MMAA: variants seen among roughly 807,000 people sequenced by gnomAD.
MMAA encodes the protein metabolism of cobalamin associated A.
MMAA carries 41 observed loss-of-function variants against 45.0 expected under a neutral mutation model. The observed-to-expected ratio is 0.91, with a 90% CI of 0.71 to 1.18. The LOEUF (loss-of-function observed/expected upper bound fraction) is 1.18, where lower values mean the gene tolerates loss of function less well. Ranked by LOEUF, MMAA falls within the 50% of genes most tolerant of loss-of-function variation. The pLI is 0.00. For synonymous variants in MMAA, 154 were observed against 178.2 expected (o/e 0.86, Z 1.08); for missense variants, 460 against 495.7 (o/e 0.93, Z 0.68).
At position 145,659,857 on chromosome 4, in the gene MMAA, C is replaced by G. The variant is rs1044773675; in HGVS notation, c.*4423C>G. On this transcript the variant is annotated 3_prime_UTR_variant, in exon 7 of 7. Coordinates refer to ENST00000649156, the MANE Select transcript of MMAA (RefSeq NM_172250.3). ...CTAGCTATTTTGTAATATACACTAC[C>G]TTACTGTTGCGAACCATAGTCACCC... 3.9e-5 allele frequency: 6 copies of G among 152,022 alleles called. No individual in the cohort carries two copies. Among genetic ancestry groups the G allele is most frequent in the Non-Finnish European group, 7.4e-5 (5 of 68,000 alleles). 9.4% of individuals were successfully genotyped at this position (152,022 alleles called of 1,614,324 possible).
chr4:145,630,619 T>C (rs899856895), intron 1 of MMAA, among the ~76,000 whole-genome samples: 2 of 152,094 alleles, frequency 1.3e-5, no homozygotes, highest in African/African-American at 2.4e-5. Flanking sequence ...TCCCAGCTAC[T>C]TGGGGGGCTG....
chr4:145,625,900 G>C, intron 1 of MMAA: 1 of 1,570,118 alleles, frequency 6.4e-7, no homozygotes, highest in Non-Finnish European at 8.7e-7. Context: ...TTGACCTCTC[G>C]CAAGTTATCT....
intron 4 of MMAA, 63 bp downstream of exon 4, chr4:145,646,219 G>T: frequency 1.3e-6 from 2 of 1,587,892 alleles, no homozygotes. Context: ...AAAGATGAGT[G>T]ACAACTTATT....
At chr4:145,627,130 C>T (rs1038116186) in intron 1 of MMAA, among the ~76,000 whole-genome samples, 7 of 152,144 alleles carry the variant, frequency 4.6e-5, no homozygotes, top group African/African-American at 1.7e-4. Context: ...AGAAAGATTG[C>T]AATTAAATTG....
rs749162902 is a variant in MMAA at position 145,639,091 on chromosome 4, T to C, written c.-49T>C. ...TTCTTCTAGGGAGGTCACAATCACA[T>C]TGAGCCAAAACGCATCCAGTGTTTT... On this transcript the variant is annotated 5_prime_UTR_variant, in exon 2 of 7. Coordinates refer to ENST00000649156, the MANE Select transcript of MMAA (RefSeq NM_172250.3). The C allele has an allele frequency of 1.4e-5, 22 of 1,585,154 alleles. No individual in the cohort carries two copies. The highest frequency in any genetic ancestry group is 1.7e-5 in the Non-Finnish European group (20 of 1,153,810).
In MMAA at chr4:145,655,557, C is replaced by A; in HGVS notation, c.*123C>A. The A allele has an allele frequency of 2.0e-6, 2 of 993,938 alleles. No individual in the cohort carries two copies. The highest frequency in any genetic ancestry group is 2.9e-6 in the Non-Finnish European group (2 of 693,990). The allele number at this position is 993,938 out of a possible 1,614,324, so 61.6% of individuals were successfully genotyped here. On this transcript the variant is annotated 3_prime_UTR_variant, in exon 7 of 7. Coordinates refer to ENST00000649156, the MANE Select transcript of MMAA (RefSeq NM_172250.3). ...GTGCTCTTGTCTTCTTTGTTTGTGA[C>A]CCATGCTTGAAAACTTGAAGGAAGT...
chr4:145,622,198 C>G (rs1734101471), intron 1 of MMAA, among the ~76,000 whole-genome samples: 1 of 152,156 alleles, frequency 6.6e-6, no homozygotes, highest in South Asian at 2.1e-4. Flanking sequence ...CTGTGCTGTT[C>G]TCATGATAGT....
chr4:145,646,089 G>A lies in MMAA; in HGVS notation c.666G>A (p.Arg222=), dbSNP rs1374453503. 3 of 1,613,990 alleles carry A rather than the reference G, an allele frequency of 1.9e-6. No individual in the cohort carries two copies. In the African/African-American group the frequency reaches 4.0e-5, roughly 22 times the overall value. ...PTRGTLGGVT[R]TTNEAILLCE... ...GAGGAACTTTAGGAGGCGTGACAAG[G>A]ACCACAAATGAAGCTATTCTGTTGT... Residue 222 remains arginine (R), a synonymous_variant, in exon 4 of 7, where the codon AGG becomes AGA. Transcript: ENST00000649156.
At chr4:145,621,261 A>G (rs1269767182) in intron 1 of MMAA, among the ~76,000 whole-genome samples, 1 of 152,210 alleles carries the variant, frequency 6.6e-6, no homozygotes, top group East Asian at 1.9e-4. Flanking sequence ...AGAGCTTCCT[A>G]GTTCAAGCCT....
At position 145,634,666 on chromosome 4, in the gene MMAA, G is replaced by A. The variant is rs539579621; in HGVS notation, c.-65-4409G>A. The stretch of plus-strand genomic sequence containing the variant: ...CTGTATCTAGTGCAGCTGGGAATGC[G>A]CTGAGTCTTACCTGAAGCTAGCAAG... On this transcript the variant is annotated intron_variant, in intron 1 of 6. Coordinates refer to ENST00000649156, the MANE Select transcript of MMAA (RefSeq NM_172250.3). 5.3e-5 allele frequency among the ~76,000 whole-genome samples: 8 copies of A among 151,950 alleles called. No homozygotes were observed. The East Asian group carries it at 9.8e-4, about 19-fold the overall frequency.
intron 1 of MMAA, among the ~76,000 whole-genome samples, chr4:145,632,236 T>C (rs1727465634): frequency 6.6e-6 from 1 of 152,222 alleles, no homozygotes; most frequent in South Asian, 2.1e-4. Context: ...AGAAAGTATT[T>C]CTCCTTCATG....
chr4:145,658,712 A>C lies in MMAA; in HGVS notation c.*3278A>C, dbSNP rs1278459418. 1 of 152,052 alleles carries C rather than the reference A, an allele frequency of 6.6e-6. No individual in the cohort carries two copies. Among genetic ancestry groups the C allele is most frequent in the Non-Finnish European group, 1.5e-5 (1 of 68,008 alleles). The allele number at this position is 152,052 out of a possible 1,614,324, so 9.4% of individuals were successfully genotyped here. A position where few individuals can be genotyped will look rare whatever the true frequency, so the allele number is the denominator to read the frequency against. Reference sequence around the variant, plus strand: ...AAGGCAAAAAAAAAAAAAAAAAGGAAAAATTAGTGAAAATCATTCAAACAT... The same window carrying C: ...AAGGCAAAAAAAAAAAAAAAAAGGACAAATTAGTGAAAATCATTCAAACAT... On this transcript the variant is annotated 3_prime_UTR_variant, in exon 7 of 7. Coordinates refer to ENST00000649156, the MANE Select transcript of MMAA (RefSeq NM_172250.3).
rs577875727 is a variant in MMAA at position 145,619,761 on chromosome 4, C to T, written c.-66+354C>T. ...GCTCTTCCCTTGTCGCTGCCAAACCCGGTAAATGGTTAACCTGAGGCCGCG... is the reference window on the plus strand; with the variant it reads ...GCTCTTCCCTTGTCGCTGCCAAACCTGGTAAATGGTTAACCTGAGGCCGCG... On this transcript the variant is annotated intron_variant, in intron 1 of 6. Transcript: ENST00000649156. Among the ~76,000 whole-genome samples, 5 of 152,122 alleles carry T rather than the reference C, an allele frequency of 3.3e-5. No individual in the cohort carries two copies. In the East Asian group the frequency reaches 9.6e-4, roughly 29 times the overall value.
intron 1 of MMAA, among the ~76,000 whole-genome samples, chr4:145,621,633 C>A (rs955540609): frequency 3.9e-5 from 6 of 152,110 alleles, no homozygotes; most frequent in African/African-American, 1.4e-4. Context: ...TGGCATTTGA[C>A]AGCTTATCTT....
At chr4:145,632,803 G>A (rs1479717652) in intron 1 of MMAA, among the ~76,000 whole-genome samples, 1 of 151,350 alleles carries the variant, frequency 6.6e-6, no homozygotes, top group East Asian at 1.9e-4. Context: ...TGTCACCCAG[G>A]CTGGAGTGTA....
rs563163734 is a variant in MMAA, at chr4:145,624,146, C to T, written c.-66+4739C>T. The T allele has an allele frequency of 7.2e-6, 8 of 1,115,264 alleles. No homozygotes were observed. The Middle Eastern group carries it at 8.6e-4, about 120-fold the overall frequency. 69.1% of individuals were successfully genotyped at this position (1,115,264 alleles called of 1,614,324 possible). ...TAATCAGCAGAAAGGCTGCTCAACT[C>T]TTGTCCACTCCTTCACATCTGTAGA... On this transcript the variant is annotated intron_variant, in intron 1 of 6. Transcript: ENST00000649156.
chr4:145,622,068 A>T (rs1208398758), intron 1 of MMAA, among the ~76,000 whole-genome samples: 1 of 152,178 alleles, frequency 6.6e-6, no homozygotes, highest in African/African-American at 2.4e-5. Context: ...TACAAAGATA[A>T]CTGATATGGT....
At chr4:145,640,973 C>G (rs1727765389) in intron 2 of MMAA, among the ~76,000 whole-genome samples, 1 of 152,086 alleles carries the variant, frequency 6.6e-6, no homozygotes, top group Non-Finnish European at 1.5e-5. Context: ...ACCTTTGTCT[C>G]ACAGTTTATT....
chr4:145,625,776 T>C, intron 1 of MMAA: 1 of 1,214,452 alleles, frequency 8.2e-7, no homozygotes, highest in Non-Finnish European at 1.2e-6. Flanking sequence ...CTGAGCCTGC[T>C]GTTGAATTGT....
Sources: allele counts gnomAD v4.1 joint callset (sites outside exome capture counted in the v4.1 genomes callset), GRCh38; gene constraint gnomAD v4.1.1; transcripts MANE v1.5; gene names NCBI Gene and HGNC (gene_info 2026-07-23, HGNC 2026-07-21).